Variants in HTT-AS observed in about 807,000 individuals in gnomAD.
The protein encoded by HTT-AS is HTT antisense RNA (head to head).
intron 1 of HTT-AS, among the ~76,000 whole-genome samples, chr4:3,065,942 T>C (rs1273106299): frequency 6.6e-6 from 1 of 152,254 alleles, no homozygotes; most frequent in Non-Finnish European, 1.5e-5. Flanking sequence ...CCATCTTTAT[T>C]TTCAGGAGGA....
exon 2 of HTT-AS, among the ~76,000 whole-genome samples, chr4:3,062,863 A>G (rs767312246): frequency 1.3e-5 from 2 of 152,210 alleles, no homozygotes; most frequent in South Asian, 4.1e-4. Context: ...ATTGCAAGCC[A>G]TGGTTTTAAA....
intron 2 of HTT-AS, among the ~76,000 whole-genome samples, chr4:3,054,087 C>T (rs924109777): frequency 1.3e-5 from 2 of 151,982 alleles, no homozygotes; most frequent in Admixed American, 6.6e-5. Context: ...AGGTCATAAA[C>T]TGCTTTGACT....
downstream of HTT-AS, among the ~76,000 whole-genome samples, chr4:3,046,643 C>T (rs1217082260): frequency 2.0e-5 from 3 of 152,184 alleles, no homozygotes; most frequent in African/African-American, 7.2e-5. Context: ...CTTATTTGGT[C>T]CTGAAACCCT....
At chr4:3,073,999 G>T (rs1712295019) in intron 1 of HTT-AS, among the ~76,000 whole-genome samples, 1 of 151,402 alleles carries the variant, frequency 6.6e-6, no homozygotes, top group Non-Finnish European at 1.5e-5. Flanking sequence ...CGCGCTCGGC[G>T]CCCCCTCCAC....
intron 2 of HTT-AS, among the ~76,000 whole-genome samples, chr4:3,050,193 G>C (rs1711678151): frequency 1.3e-5 from 2 of 152,172 alleles, no homozygotes; most frequent in African/African-American, 2.4e-5. Context: ...TTAGACTTCA[G>C]TCCTCTTGAA....
rs146688178 is a variant in HTT-AS at position 3,070,580 on chromosome 4, G to A, written n.113+3846C>T. Among the ~76,000 whole-genome samples, 7 of 152,252 alleles carry A rather than the reference G, an allele frequency of 4.6e-5. No homozygotes were observed. The East Asian group carries it at 1.3e-3, about 29-fold the overall frequency. On this transcript the variant is annotated intron_variant and non_coding_transcript_variant, in intron 1 of 2. Coordinates refer to ENST00000664062, the Ensembl canonical transcript of HTT-AS. Reference sequence around the variant, plus strand: ...GCTGGGATTACAGGTGTGAGCCACTGCGCCTTCATCTCTCTTCTGTGTATG... The same window carrying A: ...GCTGGGATTACAGGTGTGAGCCACTACGCCTTCATCTCTCTTCTGTGTATG...
At chr4:3,046,650 C>T (rs1384293873), downstream of HTT-AS, among the ~76,000 whole-genome samples, 2 of 152,178 alleles carry the variant, frequency 1.3e-5, no homozygotes, top group East Asian at 1.9e-4. Context: ...GGTCCTGAAA[C>T]CCTCTGAGAA....
downstream of HTT-AS, among the ~76,000 whole-genome samples, chr4:3,048,886 G>A (rs1016682672): frequency 2.6e-5 from 4 of 152,194 alleles, no homozygotes; most frequent in African/African-American, 9.7e-5. Context: ...AACCCATAGT[G>A]TGGGTTAAGA....
chr4:3,059,434 T>C (rs1711881722), intron 2 of HTT-AS, among the ~76,000 whole-genome samples: 1 of 152,148 alleles, frequency 6.6e-6, no homozygotes, highest in Non-Finnish European at 1.5e-5. Context: ...TCAATTCAAT[T>C]TGTTGGAAGT....
chr4:3,060,401 T>C (rs73086113), intron 2 of HTT-AS, among the ~76,000 whole-genome samples: 8,550 of 152,206 alleles, frequency 0.056, 447 homozygotes, highest in African/African-American at 0.13. Context: ...CTCCTCATAC[T>C]CCTGGGCTCA....
At chr4:3,057,708 A>G (rs1055806492) in intron 2 of HTT-AS, among the ~76,000 whole-genome samples, 1 of 151,114 alleles carries the variant, frequency 6.6e-6, no homozygotes, top group African/African-American at 2.4e-5. Flanking sequence ...ATCTCGGCTC[A>G]CTGCAAGCTC....
chr4:3,052,610 G>A (rs565263872), intron 2 of HTT-AS, among the ~76,000 whole-genome samples: 1 of 152,264 alleles, frequency 6.6e-6, no homozygotes, highest in Non-Finnish European at 1.5e-5. Context: ...TAATAACTAG[G>A]CAGGAAATAT....
chr4:3,058,812 G>A (rs1578466609), intron 2 of HTT-AS, among the ~76,000 whole-genome samples: 1 of 151,368 alleles, frequency 6.6e-6, no homozygotes, highest in East Asian at 1.9e-4. Context: ...CTCCACCTCC[G>A]AGGTTCCAGC....
chr4:3,049,075 G>A (rs56117041), downstream of HTT-AS, among the ~76,000 whole-genome samples: 3,365 of 152,218 alleles, frequency 0.022, 132 homozygotes, highest in African/African-American at 0.077. Context: ...ACAACAGATC[G>A]TCTTTTCATT....
chr4:3,058,353 T>G (rs545304043), intron 2 of HTT-AS, among the ~76,000 whole-genome samples: 1 of 151,782 alleles, frequency 6.6e-6, no homozygotes, highest in African/African-American at 2.4e-5. Context: ...ATAGAACATA[T>G]AGGGTAACTT....
At chr4:3,054,699 A>G (rs2110120936) in intron 2 of HTT-AS, among the ~76,000 whole-genome samples, 1 of 151,656 alleles carries the variant, frequency 6.6e-6, no homozygotes, top group Non-Finnish European at 1.5e-5. Flanking sequence ...TAAAAGCACA[A>G]CAGGGTTTTC....
chr4:3,054,453 G>A (rs189134396), intron 2 of HTT-AS, among the ~76,000 whole-genome samples: 1 of 152,140 alleles, frequency 6.6e-6, no homozygotes. Context: ...TACATGCAAG[G>A]TGTGTGAGGA....
At chr4:3,064,398 G>A (rs1483429100) in intron 1 of HTT-AS, among the ~76,000 whole-genome samples, 4 of 151,968 alleles carry the variant, frequency 2.6e-5, no homozygotes, top group Non-Finnish European at 5.9e-5. Context: ...CTGGCCAAAA[G>A]ACATTGTTCT....
chr4:3,073,675 G>C (rs1260894813), intron 1 of HTT-AS, among the ~76,000 whole-genome samples: 1 of 152,080 alleles, frequency 6.6e-6, no homozygotes, highest in African/African-American at 2.4e-5. Flanking sequence ...GATGGGGGGC[G>C]CCAGGCCTGT....
Sources: allele counts gnomAD v4.1 joint callset (sites outside exome capture counted in the v4.1 genomes callset), GRCh38; gene constraint gnomAD v4.1.1; transcripts MANE v1.5; gene names NCBI Gene and HGNC (gene_info 2026-07-23, HGNC 2026-07-21).